TTBK2: variants seen among roughly 807,000 people sequenced by gnomAD.
TTBK2 encodes tau-tubulin kinase 2.
TTBK2 carries 28 observed loss-of-function variants against 110.8 expected under a neutral mutation model. The ratio of observed to expected loss-of-function variants is 0.25; its 90% CI spans 0.19 to 0.35. The LOEUF is 0.35. Ranked by LOEUF, TTBK2 falls within the 10% of genes least tolerant of loss-of-function variation. The pLI, the probability that TTBK2 is intolerant of heterozygous loss-of-function variation, is 1.00. For missense variants in TTBK2, 1,369 were observed against 1,500.3 expected, an observed-to-expected ratio of 0.91 and a Z score of 1.45; for synonymous variants, 532 against 527.3, an observed-to-expected ratio of 1.01 and a Z score of -0.12.
intron 5 of TTBK2, among the ~76,000 whole-genome samples, chr15:42,828,406 T>C (rs1355812938): frequency 6.7e-6 from 1 of 150,034 alleles, no homozygotes; most frequent in African/African-American, 2.4e-5. Context: ...AAAAACCCCG[T>C]AGAAATTTAA....
At chr15:42,772,742 T>C (rs1889731961) in intron 13 of TTBK2, among the ~76,000 whole-genome samples, 1 of 152,006 alleles carries the variant, frequency 6.6e-6, no homozygotes, top group Non-Finnish European at 1.5e-5. Flanking sequence ...ACCCCAGCAG[T>C]TTGAGCCCAG....
intron 1 of TTBK2, among the ~76,000 whole-genome samples, chr15:42,881,364 T>A (rs1283476964): frequency 6.7e-6 from 1 of 148,320 alleles, no homozygotes; most frequent in East Asian, 2.0e-4. Flanking sequence ...AAAAAAAACC[T>A]TTTAATGTTG....
chr15:42,775,959 A>G (rs941800004), intron 12 of TTBK2, among the ~76,000 whole-genome samples: 1 of 152,152 alleles, frequency 6.6e-6, no homozygotes, highest in Non-Finnish European at 1.5e-5. Context: ...TATTTTGTCA[A>G]ACCAACTTTT....
At chr15:42,902,981 T>C (rs1426654910) in intron 1 of TTBK2, among the ~76,000 whole-genome samples, 2 of 149,386 alleles carry the variant, frequency 1.3e-5, no homozygotes, top group Non-Finnish European at 3.0e-5. Context: ...TGACACTCTG[T>C]TTCTCAAAAA....
chr15:42,795,419 A>C (rs1278728352), intron 9 of TTBK2, among the ~76,000 whole-genome samples: 1 of 152,052 alleles, frequency 6.6e-6, no homozygotes, highest in Non-Finnish European at 1.5e-5. Flanking sequence ...CTAAAGTTTG[A>C]TGTGATCTTA....
At chr15:42,917,359 ATAAC>A (rs1420886221) in intron 1 of TTBK2, among the ~76,000 whole-genome samples, 2 of 152,306 alleles carry the variant, frequency 1.3e-5, no homozygotes, top group Non-Finnish European at 2.9e-5. Flanking sequence ...CTATTTAAAA[ATAAC>A]CAACTGAAAA....
At chr15:42,891,002 G>A (rs1460906234) in intron 1 of TTBK2, among the ~76,000 whole-genome samples, 1 of 151,944 alleles carries the variant, frequency 6.6e-6, no homozygotes. Context: ...GTGAGTAGCT[G>A]GGATTACAGG....
intron 13 of TTBK2, among the ~76,000 whole-genome samples, chr15:42,764,844 C>T (rs1188519370): frequency 6.6e-6 from 1 of 152,256 alleles, no homozygotes; most frequent in Non-Finnish European, 1.5e-5. Context: ...AATTGGGAGA[C>T]ACCTCCCAGT....
chr15:42,777,054 G>A lies in TTBK2; in HGVS notation c.1386C>T (p.Asp462=). The change falls in exon 12 of 15, where the codon GAC becomes GAT. Residue 462 remains aspartate (D), a synonymous_variant. Transcript: ENST00000267890. ...ACCAGGTCTCAAGGAACTTGTCAGT[G>A]TCTGGCTTTGGCTCCAGGGTCAGAC... ...EKRLTLEPKP[D]TDKFLETCLE... 7.4e-6 allele frequency: 12 copies of A among 1,614,118 alleles called. No homozygotes were observed. Among genetic ancestry groups the A allele is most frequent in the Non-Finnish European group, 1.0e-5 (12 of 1,179,978 alleles).
intron 1 of TTBK2, among the ~76,000 whole-genome samples, chr15:42,881,079 C>T (rs1437093217): frequency 1.3e-5 from 2 of 151,640 alleles, no homozygotes; most frequent in Non-Finnish European, 2.9e-5. Context: ...GTCAGGAGTT[C>T]GAGACCAGCC....
At chr15:42,803,669 A>G (rs761532501) in intron 9 of TTBK2, among the ~76,000 whole-genome samples, 6 of 152,200 alleles carry the variant, frequency 3.9e-5, no homozygotes, top group Admixed American at 1.3e-4. Flanking sequence ...CTGTGACAGG[A>G]CAAAGCAGCA....
At chr15:42,868,106 T>C (rs1894454191) in intron 3 of TTBK2, among the ~76,000 whole-genome samples, 1 of 152,176 alleles carries the variant, frequency 6.6e-6, no homozygotes, top group Non-Finnish European at 1.5e-5. Context: ...GATTAGTCAT[T>C]ACCAGAGTTT....
intron 1 of TTBK2, among the ~76,000 whole-genome samples, chr15:42,900,471 G>C (rs1354444840): frequency 6.6e-6 from 1 of 151,842 alleles, no homozygotes; most frequent in Admixed American, 6.6e-5. Context: ...TTAATCCCAG[G>C]AGTTTAGGAG....
At chr15:42,821,703 T>G (rs1400264696) in intron 6 of TTBK2, among the ~76,000 whole-genome samples, 1 of 150,454 alleles carries the variant, frequency 6.6e-6, no homozygotes, top group Non-Finnish European at 1.5e-5. Flanking sequence ...TTTTGTTTTT[T>G]TTTTTGAGAC....
intron 13 of TTBK2, among the ~76,000 whole-genome samples, chr15:42,770,023 G>A (rs950255818): frequency 6.6e-6 from 1 of 150,620 alleles, no homozygotes; most frequent in African/African-American, 2.5e-5. Flanking sequence ...AACACCACAT[G>A]CTCTCACTCA....
chr15:42,800,772 A>G (rs1891152423), intron 9 of TTBK2, among the ~76,000 whole-genome samples: 1 of 152,006 alleles, frequency 6.6e-6, no homozygotes, highest in Non-Finnish European at 1.5e-5. Flanking sequence ...AAAAAAAAAA[A>G]AAAGCAATTG....
Position 42,864,060 on chromosome 15 carries a change from G to A in TTBK2, c.217+8551C>T, listed in dbSNP as rs116921994. 6.7e-3 allele frequency among the ~76,000 whole-genome samples: 1,021 copies of A among 152,228 alleles called. 12 individuals carry two copies. Among genetic ancestry groups the A allele is most frequent in the Non-Finnish European group, 0.013 (861 of 68,008 alleles). ...GCTAAGTCCCCAGAAGTAACGCAACGATAACAAAAATTGACAGGTGGGACC... is the reference window on the plus strand; with the variant it reads ...GCTAAGTCCCCAGAAGTAACGCAACAATAACAAAAATTGACAGGTGGGACC... On this transcript the variant is annotated intron_variant, in intron 3 of 14. Coordinates refer to ENST00000267890, the MANE Select transcript of TTBK2 (RefSeq NM_173500.4).
chr15:42,905,850 T>C (rs919579164), intron 1 of TTBK2, among the ~76,000 whole-genome samples: 2 of 152,132 alleles, frequency 1.3e-5, no homozygotes, highest in Non-Finnish European at 2.9e-5. Context: ...TGCTAAGATA[T>C]ATGTAAAGTG....
In TTBK2 at chr15:42,752,767, T is replaced by C. The variant is rs758244281; in HGVS notation, c.2479A>G (p.Lys827Glu). Residue 827 changes from lysine (K) to glutamate (E), a missense_variant, in exon 14 of 15, where the codon AAA becomes GAA. Coordinates refer to ENST00000267890, the MANE Select transcript of TTBK2 (RefSeq NM_173500.4). ...SATTEPLDVT[K>E]TQTFSVVPNQ... ...GGCACCACACTAAAAGTCTGTGTTTTTGTCACATCAAGAGGTTCAGTAGTA... is the reference window on the plus strand; with the variant it reads ...GGCACCACACTAAAAGTCTGTGTTTCTGTCACATCAAGAGGTTCAGTAGTA... The C allele has an allele frequency of 5.3e-5, 86 of 1,614,218 alleles. 6 individuals carry two copies. The South Asian group carries it at 8.3e-4, about 16-fold the overall frequency.
Sources: allele counts gnomAD v4.1 joint callset (sites outside exome capture counted in the v4.1 genomes callset), GRCh38; gene constraint gnomAD v4.1.1; transcripts MANE v1.5; gene names NCBI Gene and HGNC (gene_info 2026-07-23, HGNC 2026-07-21).